Variants in KIAA1549 observed in about 807,000 individuals in gnomAD.
The protein encoded by KIAA1549 is UPF0606 protein KIAA1549.
Under a neutral mutation model 156.4 loss-of-function variants are expected in KIAA1549, and 70 were observed. The ratio of observed to expected loss-of-function variants is 0.45; its 90% confidence interval spans 0.37 to 0.55. The LOEUF (loss-of-function observed/expected upper bound fraction) is 0.55. Ranked by LOEUF, KIAA1549 falls within the 20% of genes least tolerant of loss-of-function variation. The probability of loss-of-function intolerance (pLI) is 0.00; values close to 1 mark genes in which losing one functional copy is unlikely to be tolerated. For missense variants in KIAA1549, 2,428 were observed against 2,540.9 expected, an observed-to-expected ratio of 0.96 and a Z score of 0.96; for synonymous variants, 1,103 against 1,066.4, an observed-to-expected ratio of 1.03 and a Z score of -0.67.
intron 17 of KIAA1549, among the ~76,000 whole-genome samples, chr7:138,845,670 T>G (rs1290221825): frequency 6.6e-6 from 1 of 152,158 alleles, no homozygotes; most frequent in African/African-American, 2.4e-5. Context: ...TACCTCTCAT[T>G]TTGCAGTATC....
At chr7:138,977,442 ATAC>A (rs1275858769) in intron 1 of KIAA1549, among the ~76,000 whole-genome samples, 2 of 152,342 alleles carry the variant, frequency 1.3e-5, no homozygotes, top group East Asian at 3.9e-4. Flanking sequence ...GATGAAGTGA[ATAC>A]TCAATGCAAG....
At chr7:138,962,635 C>T (rs1441213159) in intron 1 of KIAA1549, among the ~76,000 whole-genome samples, 1 of 152,160 alleles carries the variant, frequency 6.6e-6, no homozygotes, top group Admixed American at 6.5e-5. Flanking sequence ...GGTGAAACAG[C>T]CTCAGCCTTC....
rs750757143 is a variant in KIAA1549, at chr7:138,917,804, G to T, written c.1822C>A (p.Arg608Ser). Residue 608 changes from arginine to serine, a missense_variant, in exon 2 of 20, where the codon CGT becomes AGT. This residue lies in a region of KIAA1549 where 893 missense variants were observed against 847.9 expected (regional missense o/e 1.05). Transcript: ENST00000422774. ...GGTTTATGCTCAGAAAAACTGGAAC[G>T]TTCTTGGTCAGAGAAAAGTGAAGAC... Reference protein sequence around the residue: ...VESSLFSDQERSSFSEHKPRG... With the variant: ...VESSLFSDQESSSFSEHKPRG... The T allele has an allele frequency of 6.3e-7, 1 of 1,588,442 alleles. No individual in the cohort carries two copies. Among genetic ancestry groups the T allele is most frequent in the East Asian group, 2.3e-5 (1 of 43,796 alleles).
At chr7:138,903,538 GCTGT>G (rs1811902233) in intron 8 of KIAA1549, 46 bp downstream of exon 8, 1 of 1,579,342 alleles carries the variant, frequency 6.3e-7, no homozygotes, top group Non-Finnish European at 8.6e-7. Context: ...ACACGCAAGC[GCTGT>G]CTCTCTCCCT....
chr7:138,833,605 A>C lies in KIAA1549; in HGVS notation c.*4301T>G, dbSNP rs139588577. The C allele has an allele frequency of 1.7e-5, 4 of 232,404 alleles. No homozygotes were observed. Among genetic ancestry groups the C allele is most frequent in the Non-Finnish European group, 3.4e-5 (4 of 117,576 alleles). 14.4% of individuals were successfully genotyped at this position (232,404 alleles called of 1,614,324 possible). On this transcript the variant is annotated 3_prime_UTR_variant, in exon 20 of 20. Coordinates refer to ENST00000422774, the MANE Select transcript of KIAA1549 (RefSeq NM_001164665.2). Reference sequence around the variant, plus strand: ...AATCAAAACACTATGAAATTAATAAAATTTGGAGAAAAATGTGTAGGTAGC... The same window carrying C: ...AATCAAAACACTATGAAATTAATAACATTTGGAGAAAAATGTGTAGGTAGC...
intron 1 of KIAA1549, among the ~76,000 whole-genome samples, chr7:138,947,110 T>C (rs1388556868): frequency 6.6e-6 from 1 of 152,174 alleles, no homozygotes; most frequent in African/African-American, 2.4e-5. Flanking sequence ...TTAAGTCCAT[T>C]AGTATAGAAC....
In KIAA1549 at chr7:138,918,046, C is replaced by A. The variant is rs373550190; in HGVS notation, c.1580G>T (p.Arg527Leu). 4 of 1,611,440 alleles carry A rather than the reference C, an allele frequency of 2.5e-6. No individual in the cohort carries two copies. Among genetic ancestry groups the A allele is most frequent in the Non-Finnish European group, 2.5e-6 (3 of 1,178,816 alleles). ...ATCAAGTGACGCCGGCACAGAGAGG[C>A]GGCCGTGGGCAGGGGGAACCTGTGT... is the stretch of plus-strand genomic sequence containing the variant. ...TTTQVPPAHG[R>L]LSVPASLDPT... is the part of the protein sequence containing the mutation. Residue 527 changes from arginine to leucine, a missense_variant, in exon 2 of 20, where the codon CGC (arginine) becomes CTC (leucine). Physicochemically the swap from Arg to Leu is moderately radical, Grantham distance 102. This residue lies in a region of KIAA1549 where 893 missense variants were observed against 847.9 expected (regional missense o/e 1.05). Coordinates refer to ENST00000422774, the MANE Select transcript of KIAA1549 (RefSeq NM_001164665.2). The surrounding 1 kb of genome is among the most constrained non-coding windows in gnomAD (Gnocchi z 4.2).
At chr7:138,928,217 G>A (rs182472081) in intron 1 of KIAA1549, among the ~76,000 whole-genome samples, 18 of 147,412 alleles carry the variant, frequency 1.2e-4, no homozygotes, top group Middle Eastern at 4.1e-3. Context: ...CACCACGCCC[G>A]GCCTACTATT....
chr7:138,923,353 C>T (rs1812615602), intron 1 of KIAA1549, among the ~76,000 whole-genome samples: 1 of 152,210 alleles, frequency 6.6e-6, no homozygotes, highest in African/African-American at 2.4e-5. Flanking sequence ...GTAATCCCAG[C>T]ACTTTGGGAG....
At chr7:138,948,677 G>GT (rs1360479424) in intron 1 of KIAA1549, among the ~76,000 whole-genome samples, 5 of 141,862 alleles carry the variant, frequency 3.5e-5, no homozygotes, top group East Asian at 2.0e-4. Context: ...GGTTTATACT[G>GT]TTTTTTTGTT....
At chr7:138,904,381 G>A (rs759367874) in intron 7 of KIAA1549, among the ~76,000 whole-genome samples, 1 of 152,180 alleles carries the variant, frequency 6.6e-6, no homozygotes, top group Admixed American at 6.5e-5. Flanking sequence ...CATGCAAAGC[G>A]ATAGGACCTT....
intron 2 of KIAA1549, among the ~76,000 whole-genome samples, chr7:138,913,699 T>C (rs1007918749): frequency 6.6e-6 from 1 of 152,126 alleles, no homozygotes; most frequent in African/African-American, 2.4e-5. Context: ...GGAGGCTCCT[T>C]TATTAGTTTA....
intron 18 of KIAA1549, among the ~76,000 whole-genome samples, chr7:138,842,386 G>A (rs938635557): frequency 6.6e-6 from 1 of 152,152 alleles, no homozygotes; most frequent in Non-Finnish European, 1.5e-5. Flanking sequence ...TTCTCCAGCA[G>A]GAATAAAAAA....
rs1489632981 is a variant in KIAA1549, at chr7:138,918,000, A to G, written c.1626T>C (p.Ser542=). The G allele has an allele frequency of 2.5e-6, 4 of 1,601,064 alleles. No individual in the cohort carries two copies. Among genetic ancestry groups the G allele is most frequent in the Non-Finnish European group, 3.4e-6 (4 of 1,173,788 alleles). ...ASLDPTAGSL[S]VAETQVTPSS... is the part of the protein sequence containing the mutation. ...ATGGCGTCACTTGGGTTTCAGCAAC[A>G]GACAAGGAGCCAGCAGTAGGATCAA... is the stretch of plus-strand genomic sequence containing the variant. The change falls in exon 2 of 20, where the codon TCT becomes TCC. Residue 542 remains serine, a synonymous_variant. Transcript: ENST00000422774.
chr7:138,838,680 T>C (rs62487012), intron 19 of KIAA1549, among the ~76,000 whole-genome samples: 3,013 of 152,318 alleles, frequency 0.02, 58 homozygotes, highest in Non-Finnish European at 0.031. Context: ...TTCATGTTTA[T>C]TTCTCTCCCA....
At chr7:138,973,994 G>A (rs1814298780) in intron 1 of KIAA1549, among the ~76,000 whole-genome samples, 1 of 152,196 alleles carries the variant, frequency 6.6e-6, no homozygotes, top group African/African-American at 2.4e-5. Flanking sequence ...ATCAATGAAT[G>A]AATGTACAGG....
chr7:138,928,840 C>CACATATAT (rs113390157), intron 1 of KIAA1549, among the ~76,000 whole-genome samples: 4,806 of 152,230 alleles, frequency 0.032, 107 homozygotes, highest in Admixed American at 0.045. Context: ...ACCAACATGG[C>CACATATAT]ACATATATAC....
chr7:138,968,728 C>T (rs1814119739), intron 1 of KIAA1549, among the ~76,000 whole-genome samples: 1 of 151,912 alleles, frequency 6.6e-6, no homozygotes, highest in Admixed American at 6.6e-5. Context: ...GGCGTGGTGG[C>T]GGGCGCCTGT....
At chr7:138,916,604 G>T in intron 2 of KIAA1549, 144 bp downstream of exon 2, 1 of 1,324,898 alleles carries the variant, frequency 7.5e-7, no homozygotes, top group Non-Finnish European at 1.0e-6. Context: ...CTCGCAGGAG[G>T]TAAGCATAGG....
Sources: gnomAD v4.1 joint callset for allele counts (sites outside exome capture counted in the v4.1 genomes callset) on GRCh38, gnomAD v4.1.1 for gene constraint, gnomAD v4.1.1 regional missense constraint, Gnocchi (gnomAD v3.1) non-coding constraint, MANE v1.5 for transcripts, NCBI Gene and HGNC (gene_info 2026-07-23, HGNC 2026-07-21) for gene names.